Variants in IGFBP7 observed in about 807,000 individuals in gnomAD.
IGFBP7 encodes the protein insulin-like growth factor-binding protein 7.
In IGFBP7, 31 loss-of-function variants were observed where a neutral mutation model predicts 29.4. The ratio of observed to expected loss-of-function variants is 1.05; its 90% CI spans 0.79 to 1.42. The LOEUF (loss-of-function observed/expected upper bound fraction) is 1.42, where lower values mean the gene tolerates loss of function less well. IGFBP7 is among the 40% of genes most tolerant of loss of function. The probability of loss-of-function intolerance (pLI) is 0.00; values close to 1 mark genes in which losing one functional copy is unlikely to be tolerated. For missense variants in IGFBP7, 393 were observed against 395.5 expected, an observed-to-expected ratio of 0.99 and a Z score of 0.05; for synonymous variants, 172 against 174.9, an observed-to-expected ratio of 0.98 and a Z score of 0.13.
At chr4:57,065,795 C>T (rs1209909476) in intron 1 of IGFBP7, among the ~76,000 whole-genome samples, 1 of 152,194 alleles carries the variant, frequency 6.6e-6, no homozygotes. Context: ...ACTGTCTTTA[C>T]CTGCATTCAC....
rs374027313 is a variant in IGFBP7 at position 57,109,687 on chromosome 4, A to AG, written c.475+189dup. On this transcript the variant is annotated intron_variant, in intron 1 of 4. Coordinates refer to ENST00000295666, the MANE Select transcript of IGFBP7 (RefSeq NM_001553.3). The stretch of plus-strand genomic sequence containing the variant: ...CAAAATAAAACCACCAAAAAGGAGA[A>AG]GGGGGGGCGTCGCCCACCGCTCCTG... The AG allele has an allele frequency of 2.3e-3, 1,504 of 646,654 alleles. 16 individuals are homozygous for AG. Among genetic ancestry groups the AG allele is most frequent in the African/African-American group, 0.023 (1,166 of 51,334 alleles). The allele number at this position is 646,654 out of a possible 1,614,324, so 40.1% of individuals were successfully genotyped here.
chr4:57,061,855 G>A lies in IGFBP7; in HGVS notation c.476-20922C>T, dbSNP rs115838156. Among the ~76,000 whole-genome samples the A allele has an allele frequency of 1.6e-3, 236 of 152,048 alleles. 2 individuals carry two copies. The highest frequency in any genetic ancestry group is 5.5e-3 in the African/African-American group (226 of 41,464). ...TACTTTTTTAAAAATAATGAGATAGGGTCTTGCTACGTTGCCAGGCTGGTC... is the reference window on the plus strand; with the variant it reads ...TACTTTTTTAAAAATAATGAGATAGAGTCTTGCTACGTTGCCAGGCTGGTC... On this transcript the variant is annotated intron_variant, in intron 1 of 4. Coordinates refer to ENST00000295666, the MANE Select transcript of IGFBP7 (RefSeq NM_001553.3).
intron 1 of IGFBP7, among the ~76,000 whole-genome samples, chr4:57,061,910 G>A (rs972113466): frequency 1.3e-5 from 2 of 152,096 alleles, no homozygotes; most frequent in African/African-American, 2.4e-5. Context: ...TGATCCTCCT[G>A]CCTCGGCCTC....
intron 1 of IGFBP7, among the ~76,000 whole-genome samples, chr4:57,048,541 A>G (rs1230355581): frequency 6.6e-6 from 1 of 152,246 alleles, no homozygotes; most frequent in African/African-American, 2.4e-5. Context: ...TAAGAAAGGC[A>G]GTTCTCACAA....
At chr4:57,079,967 A>C (rs979544107) in intron 1 of IGFBP7, among the ~76,000 whole-genome samples, 1 of 152,176 alleles carries the variant, frequency 6.6e-6, no homozygotes, top group Non-Finnish European at 1.5e-5. Context: ...GGAGGCTTTG[A>C]GAGGTTAAAT....
chr4:57,077,668 C>T (rs1403865176), intron 1 of IGFBP7, among the ~76,000 whole-genome samples: 2 of 152,224 alleles, frequency 1.3e-5, no homozygotes, highest in African/African-American at 2.4e-5. Context: ...ATGCAGCCTT[C>T]AGTTGAATCT....
chr4:57,102,141 A>G (rs1457653856), intron 1 of IGFBP7, among the ~76,000 whole-genome samples: 2 of 151,990 alleles, frequency 1.3e-5, no homozygotes, highest in East Asian at 3.9e-4. Flanking sequence ...TCATAATCTC[A>G]TCCACTGTAG....
intron 1 of IGFBP7, among the ~76,000 whole-genome samples, chr4:57,065,188 T>A (rs1724889843): frequency 6.6e-6 from 1 of 152,110 alleles, no homozygotes; most frequent in Admixed American, 6.5e-5. Context: ...GCGGTCAAGG[T>A]CCCAGGTGCC....
chr4:57,031,313 A>G lies in IGFBP7; in HGVS notation c.*4T>C. The G allele has an allele frequency of 6.3e-7, 1 of 1,598,486 alleles. No individual in the cohort carries two copies. The highest frequency in any genetic ancestry group is 8.6e-7 in the Non-Finnish European group (1 of 1,168,320). ...ACCATGCAGACTAATAATATTCTGG[A>G]GGTTTATAGCTCGGCACCTTCACCT... On this transcript the variant is annotated 3_prime_UTR_variant, in exon 5 of 5. Transcript: ENST00000295666.
At chr4:57,043,911 C>A (rs896858638) in intron 1 of IGFBP7, among the ~76,000 whole-genome samples, 1 of 152,228 alleles carries the variant, frequency 6.6e-6, no homozygotes, top group African/African-American at 2.4e-5. Context: ...CACCACAGAG[C>A]CGGATCTGGC....
intron 1 of IGFBP7, 132 bp downstream of exon 1, chr4:57,109,745 T>C: frequency 8.8e-7 from 1 of 1,135,608 alleles, no homozygotes; most frequent in Non-Finnish European, 1.2e-6. Flanking sequence ...TTCCCTCCCA[T>C]CTGGCTCCTG....
At chr4:57,065,140 G>T (rs563672603) in intron 1 of IGFBP7, among the ~76,000 whole-genome samples, 2 of 152,368 alleles carry the variant, frequency 1.3e-5, no homozygotes, top group African/African-American at 4.8e-5. Context: ...AAACGTACTG[G>T]GGAGAACTCC....
chr4:57,065,206 C>T (rs1724890479), intron 1 of IGFBP7, among the ~76,000 whole-genome samples: 1 of 152,230 alleles, frequency 6.6e-6, no homozygotes, highest in African/African-American at 2.4e-5. Context: ...GCCGGCTCGC[C>T]CACAAGCTAT....
intron 1 of IGFBP7, among the ~76,000 whole-genome samples, chr4:57,099,031 G>A (rs1725830980): frequency 6.6e-6 from 1 of 152,148 alleles, no homozygotes; most frequent in Non-Finnish European, 1.5e-5. Flanking sequence ...TTTCTTGCTT[G>A]GGGTCAGGCC....
chr4:57,107,877 T>C (rs1726073031), intron 1 of IGFBP7, among the ~76,000 whole-genome samples: 1 of 152,218 alleles, frequency 6.6e-6, no homozygotes, highest in Admixed American at 6.5e-5. Flanking sequence ...ACTGTGTGAG[T>C]GTTTGGTGAT....
At chr4:57,037,717 T>G (rs1458637246) in intron 2 of IGFBP7, among the ~76,000 whole-genome samples, 1 of 152,186 alleles carries the variant, frequency 6.6e-6, no homozygotes. Context: ...GAAATTATTC[T>G]TTGCCAAGAT....
At chr4:57,039,815 G>T (rs1419926032) in intron 2 of IGFBP7, among the ~76,000 whole-genome samples, 4 of 151,932 alleles carry the variant, frequency 2.6e-5, no homozygotes, top group Non-Finnish European at 5.9e-5. Flanking sequence ...TTGTAAGAAG[G>T]AAGTCTCACT....
In IGFBP7 at chr4:57,055,965, C is replaced by T. The variant is rs11573087; in HGVS notation, c.476-15032G>A. On this transcript the variant is annotated intron_variant, in intron 1 of 4. Transcript: ENST00000295666. ...AGCAGAGCGCAGGGCGTGATGGCTG[C>T]TTGGCGGGCGTCTGGCGTTTGTACT... 1.1e-3 allele frequency among the ~76,000 whole-genome samples: 161 copies of T among 152,212 alleles called. 1 individual carries two copies. The highest frequency in any genetic ancestry group is 3.6e-3 in the African/African-American group (151 of 41,520).
chr4:57,087,718 A>C (rs1725531038), intron 1 of IGFBP7, among the ~76,000 whole-genome samples: 1 of 152,266 alleles, frequency 6.6e-6, no homozygotes, highest in South Asian at 2.1e-4. Flanking sequence ...ACAGTTACAA[A>C]GGCTTTCAAA....
Sources: allele counts gnomAD v4.1 joint callset (sites outside exome capture counted in the v4.1 genomes callset), GRCh38; gene constraint gnomAD v4.1.1; transcripts MANE v1.5; gene names NCBI Gene and HGNC (gene_info 2026-07-23, HGNC 2026-07-21).